Variants in KIAA0319 observed in about 807,000 individuals in gnomAD.
The protein encoded by KIAA0319 is KIAA0319.
KIAA0319 carries 83 observed loss-of-function variants against 108.4 expected under a neutral mutation model. The observed-to-expected ratio is 0.77, with a 90% CI of 0.64 to 0.92. The LOEUF (loss-of-function observed/expected upper bound fraction) is 0.92, where lower values mean the gene tolerates loss of function less well. KIAA0319 is among the 40% of genes least tolerant of loss of function. The pLI, the probability that KIAA0319 is intolerant of heterozygous loss-of-function variation, is 0.00. For missense variants in KIAA0319, 1,195 were observed against 1,322.4 expected, an observed-to-expected ratio of 0.90 and a Z score of 1.49; for synonymous variants, 484 against 510.4, an observed-to-expected ratio of 0.95 and a Z score of 0.70.
At position 24,588,779 on chromosome 6, in the gene KIAA0319, T is replaced by G; in HGVS notation, c.808A>C (p.Met270Leu). Residue 270 changes from methionine (M) to leucine (L), a missense_variant, in exon 4 of 21, where the codon ATG (methionine) becomes CTG (leucine). Coordinates refer to ENST00000378214, the MANE Select transcript of KIAA0319 (RefSeq NM_014809.4). ...SSNSSGKEVL[M>L]PSHSLPPASL... is the part of the protein sequence containing the mutation. ...GCCGGAGGAAGACTATGGGAAGGCATTAGAACCTACGAGATCAATTACAAG... is the reference window on the plus strand; with the variant it reads ...GCCGGAGGAAGACTATGGGAAGGCAGTAGAACCTACGAGATCAATTACAAG... 6.2e-7 allele frequency: 1 copy of G among 1,613,274 alleles called. No individual in the cohort carries two copies. Among genetic ancestry groups the G allele is most frequent in the Non-Finnish European group, 8.5e-7 (1 of 1,179,578 alleles).
chr6:24,635,253 C>T (rs543084866), intron 1 of KIAA0319, among the ~76,000 whole-genome samples: 7 of 152,032 alleles, frequency 4.6e-5, no homozygotes, highest in African/African-American at 7.2e-5. Flanking sequence ...TAGAGGTGCA[C>T]GCCACCACAC....
intron 1 of KIAA0319, 192 bp from the exon 2 acceptor site, chr6:24,601,400 G>A: frequency 1.4e-6 from 1 of 739,312 alleles, no homozygotes; most frequent in Non-Finnish European, 1.7e-6. Flanking sequence ...AAGAGCCAAA[G>A]AATTTCATGC....
chr6:24,595,039 T>C (rs1313556094), intron 3 of KIAA0319, among the ~76,000 whole-genome samples: 3 of 152,244 alleles, frequency 2.0e-5, no homozygotes, highest in East Asian at 1.9e-4. Flanking sequence ...TCATTCTTTT[T>C]TCACCTGAGC....
chr6:24,579,702 C>T (rs572853699), intron 8 of KIAA0319, among the ~76,000 whole-genome samples, 156 bp downstream of exon 8: 101 of 151,586 alleles, frequency 6.7e-4, no homozygotes, highest in Non-Finnish European at 1.2e-3. Flanking sequence ...GATAGAGGAG[C>T]TAAAGGAACT....
intron 11 of KIAA0319, 55 bp from the exon 12 acceptor site, chr6:24,570,090 A>G (rs1764480382): frequency 1.3e-6 from 2 of 1,552,462 alleles, no homozygotes; most frequent in South Asian, 1.1e-5. Context: ...TAAGTCTGCA[A>G]TCCTGTGATT....
At chr6:24,637,823 T>TA (rs11325613) in intron 1 of KIAA0319, among the ~76,000 whole-genome samples, 20 of 149,702 alleles carry the variant, frequency 1.3e-4, no homozygotes, top group African/African-American at 3.7e-4. Flanking sequence ...ATCCTTCAGT[T>TA]AAAAAAAAAA....
intron 17 of KIAA0319, among the ~76,000 whole-genome samples, chr6:24,558,380 GATA>G (rs1762612383): frequency 6.6e-6 from 1 of 150,754 alleles, no homozygotes; most frequent in African/African-American, 2.5e-5. Context: ...TAGATAGATA[GATA>G]GATAGATAGA....
At chr6:24,625,991 C>G (rs1774660952) in intron 1 of KIAA0319, among the ~76,000 whole-genome samples, 1 of 152,200 alleles carries the variant, frequency 6.6e-6, no homozygotes, top group South Asian at 2.1e-4. Context: ...TATTATATAT[C>G]TATCCGGTGG....
At chr6:24,597,316 A>C (rs1412811804) in intron 2 of KIAA0319, among the ~76,000 whole-genome samples, 1 of 152,186 alleles carries the variant, frequency 6.6e-6, no homozygotes, top group Admixed American at 6.5e-5. Context: ...AGGGAAGCAA[A>C]CTGTCACAAG....
intron 1 of KIAA0319, among the ~76,000 whole-genome samples, chr6:24,615,659 T>C (rs1469250393): frequency 6.6e-6 from 1 of 152,218 alleles, no homozygotes; most frequent in Non-Finnish European, 1.5e-5. Flanking sequence ...GCCTATTCTC[T>C]CCAGCCCCAA....
chr6:24,606,401 A>G (rs1347322052), intron 1 of KIAA0319, among the ~76,000 whole-genome samples: 1 of 152,154 alleles, frequency 6.6e-6, no homozygotes. Flanking sequence ...TCACTGATTC[A>G]GAGATGGGGT....
intron 1 of KIAA0319, among the ~76,000 whole-genome samples, chr6:24,601,584 C>T (rs1770627998): frequency 6.6e-6 from 1 of 152,194 alleles, no homozygotes; most frequent in Non-Finnish European, 1.5e-5. Context: ...AAGAGAAAGC[C>T]TCAGGTGTGC....
rs776038867 is a variant in KIAA0319, at chr6:24,568,932, A to G, written c.1992-3T>C. The G allele has an allele frequency of 1.7e-5, 27 of 1,613,892 alleles. No individual in the cohort carries two copies. Among genetic ancestry groups the G allele is most frequent in the Admixed American group, 6.7e-5 (4 of 59,998 alleles). ...CCATCTCCACTGCACTGGGGCCTCT[A>G]TAAAACATAGAAGTGGTTAACATAA... On this transcript the variant is annotated splice_polypyrimidine_tract_variant and splice_region_variant and intron_variant, in intron 12 of 20. Transcript: ENST00000378214.
chr6:24,555,301 A>C (rs1004483516), intron 18 of KIAA0319, among the ~76,000 whole-genome samples: 4 of 152,164 alleles, frequency 2.6e-5, no homozygotes, highest in Admixed American at 2.0e-4. Flanking sequence ...GTTTGAGACC[A>C]GCCTGGCCAA....
intron 3 of KIAA0319, among the ~76,000 whole-genome samples, chr6:24,589,220 G>C (rs981735977): frequency 6.6e-6 from 1 of 152,058 alleles, no homozygotes; most frequent in Non-Finnish European, 1.5e-5. Context: ...AATGGGATTC[G>C]TGCCCTTATA....
intron 18 of KIAA0319, among the ~76,000 whole-genome samples, chr6:24,555,725 G>A (rs1762191445): frequency 6.6e-6 from 1 of 152,036 alleles, no homozygotes. Context: ...TCCCCAGAAG[G>A]GGCACCAGCT....
In KIAA0319 at chr6:24,562,056, G is replaced by A. The variant is rs368406127; in HGVS notation, c.2591+1303C>T. Among the ~76,000 whole-genome samples, 26 of 152,256 alleles carry A rather than the reference G, an allele frequency of 1.7e-4. No individual in the cohort carries two copies. In the East Asian group the frequency reaches 4.3e-3, roughly 25 times the overall value. ...TTTCGCCATTGCCCAGGTTGGTCTC[G>A]AACTCCTGGGTTCAAGCTATCTGCC... On this transcript the variant is annotated intron_variant, in intron 16 of 20. Coordinates refer to ENST00000378214, the MANE Select transcript of KIAA0319 (RefSeq NM_014809.4).
At chr6:24,575,246 G>C (rs2127469829) in intron 10 of KIAA0319, among the ~76,000 whole-genome samples, 1 of 152,268 alleles carries the variant, frequency 6.6e-6, no homozygotes, top group South Asian at 2.1e-4. Flanking sequence ...GGTGTGTAGA[G>C]GCAAGGCTCA....
intron 8 of KIAA0319, 26 bp from the exon 9 acceptor site, chr6:24,578,268 G>T (rs1765845382): frequency 6.6e-7 from 1 of 1,511,690 alleles, no homozygotes; most frequent in South Asian, 1.2e-5. Context: ...ATAAAGACAA[G>T]AATGAAATAC....
Sources: gnomAD v4.1 joint callset for allele counts (sites outside exome capture counted in the v4.1 genomes callset) on GRCh38, gnomAD v4.1.1 for gene constraint, MANE v1.5 for transcripts, NCBI Gene and HGNC (gene_info 2026-07-23, HGNC 2026-07-21) for gene names.